Variants in TMIGD1 observed in about 807,000 individuals in gnomAD.
The protein encoded by TMIGD1 is transmembrane and immunoglobulin domain containing 1.
In TMIGD1, 29 loss-of-function variants were observed where a neutral mutation model predicts 27.5. The ratio of observed to expected loss-of-function variants is 1.05; its 90% CI spans 0.78 to 1.44. The LOEUF is 1.44. TMIGD1 is among the 40% of genes most tolerant of loss of function. The pLI is 0.00. For missense variants in TMIGD1, 334 were observed against 310.6 expected, an observed-to-expected ratio of 1.08 and a Z score of -0.57; for synonymous variants, 109 against 110.3, an observed-to-expected ratio of 0.99 and a Z score of 0.07.
chr17:30,324,935 G>T lies in TMIGD1; in HGVS notation c.521C>A (p.Thr174Lys). The T allele has an allele frequency of 6.2e-7, 1 of 1,614,188 alleles. No homozygotes were observed. Among genetic ancestry groups the T allele is most frequent in the South Asian group, 1.1e-5 (1 of 91,086 alleles). Residue 174 changes from threonine (T) to lysine (K), a missense_variant, in exon 4 of 7, where the codon ACA (threonine) becomes AAA (lysine). Coordinates refer to ENST00000328886, the MANE Select transcript of TMIGD1 (RefSeq NM_206832.3). ...LEKSRHQIQQ[T>K]SESFQLSITK... ...GATTGACAGCTGAAAAGACTCACTT[G>T]TCTGTTGGATTTGGTGACGGCTTTT...
At position 30,329,306 on chromosome 17, in the gene TMIGD1, G is replaced by T. The variant is rs1410839122; in HGVS notation, c.306C>A (p.Thr102=). The stretch of plus-strand genomic sequence containing the variant: ...CGGACTGATCCCTCCCCAGCCTGCA[G>T]GTAAAGCTGATTCCGTTGTCATTTT... ...ISENDNGISF[T]CRLGRDQSVS... is the part of the protein sequence containing the mutation. Residue 102 remains threonine (T), a synonymous_variant, in exon 3 of 7, where the codon ACC becomes ACA. Coordinates refer to ENST00000328886, the MANE Select transcript of TMIGD1 (RefSeq NM_206832.3). 6.2e-7 allele frequency: 1 copy of T among 1,614,066 alleles called. No homozygotes were observed. The highest frequency in any genetic ancestry group is 8.5e-7 in the Non-Finnish European group (1 of 1,180,000).
intron 5 of TMIGD1, among the ~76,000 whole-genome samples, 169 bp downstream of exon 5, chr17:30,318,641 T>C (rs1007441401): frequency 1.3e-5 from 2 of 152,236 alleles, no homozygotes; most frequent in African/African-American, 4.8e-5. Context: ...ACTCATAATG[T>C]ACATATAATT....
At chr17:30,318,701 A>G in intron 5 of TMIGD1, 109 bp downstream of exon 5, 1 of 701,238 alleles carries the variant, frequency 1.4e-6, no homozygotes, top group Non-Finnish European at 2.4e-6. Context: ...TAAAGACCAG[A>G]TTTGACTTTG....
chr17:30,318,892 A>G lies in TMIGD1; in HGVS notation c.662T>C (p.Ile221Thr), dbSNP rs1391299405. ...IVKDKTVGVP[I>T]EPIIAACVVI... ...AACACATGCAGCAATAATGGGCTCT[A>G]TTGGTACACCCACAGTTTTATCTGT... is the stretch of plus-strand genomic sequence containing the variant. The change falls in exon 5 of 7, where the codon ATA becomes ACA. Residue 221 changes from isoleucine (I) to threonine (T), a missense_variant. Physicochemically the swap from Ile to Thr is moderately conservative, Grantham distance 89. Coordinates refer to ENST00000328886, the MANE Select transcript of TMIGD1 (RefSeq NM_206832.3). 5.0e-6 allele frequency: 8 copies of G among 1,613,424 alleles called. No individual in the cohort carries two copies. In the East Asian group the frequency reaches 1.1e-4, roughly 22 times the overall value.
At chr17:30,319,261 A>AAAAATATATATATATATATATATATAT in intron 4 of TMIGD1, among the ~76,000 whole-genome samples, 2 of 69,042 alleles carry the variant, frequency 2.9e-5, no homozygotes, top group Admixed American at 1.5e-4. Context: ...AAAAAAAAAA[A>AAAAATATATATATATATATATATATAT]ATATATATAT....
intron 3 of TMIGD1, among the ~76,000 whole-genome samples, chr17:30,327,049 C>CAA (rs1909806167): frequency 6.8e-6 from 1 of 147,956 alleles, no homozygotes; most frequent in African/African-American, 2.5e-5. Context: ...TAACTATACA[C>CAA]ACACACACAC....
At chr17:30,329,043 G>A (rs529931008) in intron 3 of TMIGD1, among the ~76,000 whole-genome samples, 58 of 150,596 alleles carry the variant, frequency 3.9e-4, no homozygotes, top group African/African-American at 1.4e-3. Context: ...AAAAGAAAAG[G>A]AAAAGAAAAT....
In TMIGD1 at chr17:30,319,261, A is replaced by AATATATATATATATATATAT. The variant is rs1175035556; in HGVS notation, c.641-349_641-348insATATATATATATATATATAT. Among the ~76,000 whole-genome samples, 81 of 68,730 alleles carry AATATATATATATATATATAT rather than the reference A, an allele frequency of 1.2e-3. No homozygotes were observed. In the Middle Eastern group the frequency reaches 0.021, roughly 18 times the overall value. The allele number at this position is 68,730 out of a possible 152,430, so 45.1% of individuals were successfully genotyped here. A position where few individuals can be genotyped will look rare whatever the true frequency, so the allele number is the denominator to read the frequency against. On this transcript the variant is annotated intron_variant, in intron 4 of 6. Coordinates refer to ENST00000328886, the MANE Select transcript of TMIGD1 (RefSeq NM_206832.3). ...TGTAAAAAAAAAAGAAAAAAAAAAA[A>AATATATATATATATATATAT]ATATATATATATATATAGCTGGGCA... is the stretch of plus-strand genomic sequence containing the variant.
intron 3 of TMIGD1, 91 bp from the exon 4 acceptor site, chr17:30,325,185 T>A: frequency 7.2e-7 from 1 of 1,383,024 alleles, no homozygotes; most frequent in Non-Finnish European, 9.8e-7. Flanking sequence ...TCTCATGTGG[T>A]CATTTATTCA....
intron 2 of TMIGD1, among the ~76,000 whole-genome samples, chr17:30,331,810 G>A (rs572558474): frequency 6.6e-6 from 1 of 151,996 alleles, no homozygotes; most frequent in East Asian, 1.9e-4. Flanking sequence ...GGATGGTCTC[G>A]ATCTCCTGAC....
At chr17:30,328,376 C>T (rs1389479971) in intron 3 of TMIGD1, among the ~76,000 whole-genome samples, 1 of 151,940 alleles carries the variant, frequency 6.6e-6, no homozygotes, top group Non-Finnish European at 1.5e-5. Flanking sequence ...CTAGGAACTA[C>T]AAAGGAAAAG....
In TMIGD1 at chr17:30,333,741, T is replaced by C. The variant is rs1370169272; in HGVS notation, c.-26+259A>G. On this transcript the variant is annotated intron_variant, in intron 1 of 6. Coordinates refer to ENST00000328886, the MANE Select transcript of TMIGD1 (RefSeq NM_206832.3). ...TTTGCCAAAAAGATTTCTATCACAG[T>C]GTTGTAACAGTGATTACTGCAGAAT... 4.6e-5 allele frequency among the ~76,000 whole-genome samples: 7 copies of C among 152,308 alleles called. No individual in the cohort carries two copies. The East Asian group carries it at 1.4e-3, about 29-fold the overall frequency.
intron 4 of TMIGD1, 55 bp from the exon 5 acceptor site, chr17:30,318,968 C>T (rs1909513371): frequency 1.4e-5 from 18 of 1,266,956 alleles, no homozygotes; most frequent in South Asian, 2.4e-5. Flanking sequence ...ACTTCCAATA[C>T]GTCCCAGCAA....
In TMIGD1 at chr17:30,329,476, G is replaced by T; in HGVS notation, c.136C>A (p.Pro46Thr). Residue 46 changes from proline to threonine, a missense_variant, in exon 3 of 7, where the codon CCT becomes ACT. Physicochemically the swap from Pro to Thr is conservative, Grantham distance 38. Transcript: ENST00000328886. ...CATATCAGAGATGCTTGGGAGCCAG[G>T]TGTAGTATCCAGGATATAGTTCTCA... ...KTENYILDTT[P>T]GSQASLICAV... is the part of the protein sequence containing the mutation. 4 of 1,614,146 alleles carry T rather than the reference G, an allele frequency of 2.5e-6. No homozygotes were observed. The African/African-American group carries it at 5.3e-5, about 22-fold the overall frequency.
At chr17:30,320,962 A>G (rs900349543) in intron 4 of TMIGD1, among the ~76,000 whole-genome samples, 6 of 152,062 alleles carry the variant, frequency 3.9e-5, no homozygotes, top group Non-Finnish European at 8.8e-5. Flanking sequence ...GGTTCAAGCG[A>G]TTCTCCTGTC....
intron 2 of TMIGD1, among the ~76,000 whole-genome samples, chr17:30,331,320 C>CTT (rs5819895): frequency 0.024 from 3,573 of 146,962 alleles, 78 homozygotes; most frequent in Non-Finnish European, 0.04. Context: ...TTGTACTTTT[C>CTT]TTTTTTTTTT....
intron 3 of TMIGD1, among the ~76,000 whole-genome samples, chr17:30,328,273 T>G (rs1018891170): frequency 3.3e-5 from 5 of 152,142 alleles, no homozygotes; most frequent in Non-Finnish European, 5.9e-5. Flanking sequence ...TGATCTTAAG[T>G]GATCCATTTG....
At chr17:30,319,261 A>AATATATATATATATAT (rs1175035556) in intron 4 of TMIGD1, among the ~76,000 whole-genome samples, 192 of 68,290 alleles carry the variant, frequency 2.8e-3, no homozygotes, top group East Asian at 3.4e-3. Flanking sequence ...AAAAAAAAAA[A>AATATATATATATATAT]ATATATATAT....
chr17:30,319,261 A>AAATATATATATATAT, intron 4 of TMIGD1, among the ~76,000 whole-genome samples: 4 of 69,044 alleles, frequency 5.8e-5, no homozygotes, highest in Admixed American at 1.5e-4. Context: ...AAAAAAAAAA[A>AAATATATATATATAT]ATATATATAT....
Sources: gnomAD v4.1 joint callset for allele counts (sites outside exome capture counted in the v4.1 genomes callset) on GRCh38, gnomAD v4.1.1 for gene constraint, MANE v1.5 for transcripts, NCBI Gene and HGNC (gene_info 2026-07-23, HGNC 2026-07-21) for gene names.